Variants in SLC24A4 observed in about 807,000 individuals in gnomAD.
SLC24A4 encodes the protein sodium/potassium/calcium exchanger 4.
A neutral mutation model predicts 79.0 loss-of-function variants in SLC24A4; 53 were observed. The ratio of observed to expected loss-of-function variants is 0.67; its 90% CI spans 0.54 to 0.84. The LOEUF is 0.84. Ranked by LOEUF, SLC24A4 falls within the 40% of genes least tolerant of loss-of-function variation. The pLI is 0.00. For synonymous variants in SLC24A4, 323 were observed against 323.8 expected (o/e 1.00, Z 0.03); for missense variants, 731 against 822.0 (o/e 0.89, Z 1.35).
At position 92,501,476 on chromosome 14, in the gene SLC24A4, G is replaced by A. The variant is rs1479720747; in HGVS notation, c.*7848G>A. The stretch of plus-strand genomic sequence containing the variant: ...TGTACACTGTCAATAAAATAAATGA[G>A]CACAAGTTGTCTTTCCCTAAATAGA... On this transcript the variant is annotated 3_prime_UTR_variant, in exon 17 of 17. Transcript: ENST00000532405. The A allele has an allele frequency of 6.6e-6, 1 of 152,170 alleles. No individual in the cohort carries two copies. Among genetic ancestry groups the A allele is most frequent in the Non-Finnish European group, 1.5e-5 (1 of 68,024 alleles). 9.4% of individuals were successfully genotyped at this position (152,170 alleles called of 1,614,324 possible). A position where few individuals can be genotyped will look rare whatever the true frequency, so the allele number is the denominator to read the frequency against.
At chr14:92,385,768 T>C (rs1889122139) in intron 2 of SLC24A4, among the ~76,000 whole-genome samples, 1 of 152,094 alleles carries the variant, frequency 6.6e-6, no homozygotes, top group Non-Finnish European at 1.5e-5. Context: ...CCTTGTCCCA[T>C]GAGGCTGAGC....
Position 92,323,759 on chromosome 14 carries a change from T to TCGG in SLC24A4, c.-70_-68dup. The TCGG allele has an allele frequency of 1.3e-6, 2 of 1,491,654 alleles. No homozygotes were observed. The highest frequency in any genetic ancestry group is 1.8e-6 in the Non-Finnish European group (2 of 1,122,904). 92.4% of individuals were successfully genotyped at this position (1,491,654 alleles called of 1,614,324 possible). A position where few individuals can be genotyped will look rare whatever the true frequency, so the allele number is the denominator to read the frequency against. ...CCGCCTGCTCCAGCCCCAGCGCCGCTCGGCCACTGATTGCACTCTGGCCGC... is the reference window on the plus strand; with the variant it reads ...CCGCCTGCTCCAGCCCCAGCGCCGCTCGGCGGCCACTGATTGCACTCTGGCCGC... On this transcript the variant is annotated 5_prime_UTR_variant, in exon 1 of 17. Coordinates refer to ENST00000532405, the MANE Select transcript of SLC24A4 (RefSeq NM_153646.4). The surrounding 1 kb of genome is among the most constrained non-coding windows in gnomAD (Gnocchi z 4.9).
chr14:92,410,505 T>C (rs976748453), intron 2 of SLC24A4, among the ~76,000 whole-genome samples: 1 of 152,140 alleles, frequency 6.6e-6, no homozygotes, highest in African/African-American at 2.4e-5. Flanking sequence ...AAGGTACCTT[T>C]TAAAAGCAAA....
chr14:92,330,549 T>TGGTG (rs1885415093), intron 2 of SLC24A4, among the ~76,000 whole-genome samples: 1 of 152,230 alleles, frequency 6.6e-6, no homozygotes, highest in African/African-American at 2.4e-5. Context: ...GCAGTGACTC[T>TGGTG]GAGTCCCTAG....
chr14:92,343,641 T>TTTC (rs59633490), intron 2 of SLC24A4, among the ~76,000 whole-genome samples: 7 of 45,110 alleles, frequency 1.6e-4, no homozygotes, highest in South Asian at 1.8e-3. Flanking sequence ...TCTTTCTTTC[T>TTTC]CTCTTTCCTT....
chr14:92,400,385 G>A (rs1489338219), intron 2 of SLC24A4, among the ~76,000 whole-genome samples: 6 of 145,536 alleles, frequency 4.1e-5, no homozygotes, highest in South Asian at 4.4e-4. Context: ...GTTGCAGTGA[G>A]CCGAGATCGT....
chr14:92,393,200 G>A (rs900246572), intron 2 of SLC24A4, among the ~76,000 whole-genome samples: 1 of 152,244 alleles, frequency 6.6e-6, no homozygotes, highest in Non-Finnish European at 1.5e-5. Flanking sequence ...ACAAATTTCT[G>A]TTTGTAAATC....
chr14:92,345,757 G>A lies in SLC24A4; in HGVS notation c.241+19779G>A, dbSNP rs539431348. ...GCAGGATTTGCTGAGAATGAGGGCT[G>A]GTGTTCTGAGAGGGTGAAAGGGGGA... On this transcript the variant is annotated intron_variant, in intron 2 of 16. Coordinates refer to ENST00000532405, the MANE Select transcript of SLC24A4 (RefSeq NM_153646.4). Among the ~76,000 whole-genome samples the A allele has an allele frequency of 3.3e-5, 5 of 152,260 alleles. No homozygotes were observed. In the East Asian group the frequency reaches 9.6e-4, roughly 29 times the overall value.
At chr14:92,447,499 G>A in intron 9 of SLC24A4, 75 bp downstream of exon 9, 9 of 1,380,322 alleles carry the variant, frequency 6.5e-6, no homozygotes, top group South Asian at 1.2e-5. Flanking sequence ...GTGACAGCAG[G>A]GAGAAAAACA....
At chr14:92,420,155 A>G (rs963096591) in intron 2 of SLC24A4, among the ~76,000 whole-genome samples, 3 of 152,122 alleles carry the variant, frequency 2.0e-5, no homozygotes, top group African/African-American at 7.2e-5. Context: ...CGACACTTTG[A>G]TATTGAATTT....
intron 2 of SLC24A4, among the ~76,000 whole-genome samples, chr14:92,400,425 G>A (rs987821957): frequency 1.0e-4 from 14 of 135,300 alleles, no homozygotes; most frequent in African/African-American, 3.4e-4. Flanking sequence ...GCGACAGAGC[G>A]AGACTCCATC....
At chr14:92,325,277 G>T (rs770450374) in intron 1 of SLC24A4, among the ~76,000 whole-genome samples, 4 of 152,232 alleles carry the variant, frequency 2.6e-5, no homozygotes. Context: ...AGTGTGCTTG[G>T]TTGCGGGCCT....
intron 12 of SLC24A4, among the ~76,000 whole-genome samples, chr14:92,476,688 C>G (rs1388977574): frequency 6.6e-6 from 1 of 152,134 alleles, no homozygotes; most frequent in African/African-American, 2.4e-5. Flanking sequence ...TTTTCATAGT[C>G]CCATGAGCAT....
At position 92,493,379 on chromosome 14, in the gene SLC24A4, T is replaced by C. The variant is rs1314638829; in HGVS notation, c.1717-97T>C. On this transcript the variant is annotated intron_variant, in intron 16 of 16. Transcript: ENST00000532405. Reference sequence around the variant, plus strand: ...CTACACTTGCCCACATTCTGCAGAATGTTCTAGGTTTCCCCACATAGGTGT... The same window carrying C: ...CTACACTTGCCCACATTCTGCAGAACGTTCTAGGTTTCCCCACATAGGTGT... 6 of 1,429,832 alleles carry C rather than the reference T, an allele frequency of 4.2e-6. No homozygotes were observed. The African/African-American group carries it at 8.5e-5, about 20-fold the overall frequency. The allele number at this position is 1,429,832 out of a possible 1,614,324, so 88.6% of individuals were successfully genotyped here.
chr14:92,422,544 T>C (rs1394951131), intron 2 of SLC24A4, among the ~76,000 whole-genome samples: 1 of 152,230 alleles, frequency 6.6e-6, no homozygotes, highest in African/African-American at 2.4e-5. Context: ...GAAATGGGGC[T>C]AATGACAGTG....
chr14:92,439,212 C>A, intron 3 of SLC24A4, 123 bp from the exon 4 acceptor site: 1 of 732,848 alleles, frequency 1.4e-6, no homozygotes, highest in South Asian at 1.6e-5. Flanking sequence ...CTGGAGTTTT[C>A]CTGTGTGCCC....
At chr14:92,349,677 C>T (rs182732884) in intron 2 of SLC24A4, among the ~76,000 whole-genome samples, 2 of 152,332 alleles carry the variant, frequency 1.3e-5, no homozygotes, top group East Asian at 3.9e-4. Flanking sequence ...AGTTTCCCAA[C>T]ACCTCAAGGA....
chr14:92,394,603 A>G (rs2141746166), intron 2 of SLC24A4, among the ~76,000 whole-genome samples: 1 of 152,332 alleles, frequency 6.6e-6, no homozygotes, highest in South Asian at 2.1e-4. Context: ...TTAAATGGCA[A>G]TCCAGATGGG....
intron 2 of SLC24A4, among the ~76,000 whole-genome samples, chr14:92,407,498 G>C (rs973001406): frequency 2.0e-5 from 3 of 152,140 alleles, no homozygotes; most frequent in Non-Finnish European, 4.4e-5. Context: ...CTGAGACTGG[G>C]TAATTTATGA....
Sources: allele counts gnomAD v4.1 joint callset (sites outside exome capture counted in the v4.1 genomes callset), GRCh38; gene constraint gnomAD v4.1.1; non-coding constraint Gnocchi (gnomAD v3.1); transcripts MANE v1.5; gene names NCBI Gene and HGNC (gene_info 2026-07-23, HGNC 2026-07-21).